Variants in XPNPEP2 observed in about 807,000 individuals in gnomAD.
The protein encoded by XPNPEP2 is X-prolyl aminopeptidase 2, also known as xaa-Pro aminopeptidase 2.
XPNPEP2 carries 64 observed loss-of-function variants against 59.8 expected under a neutral mutation model. The observed-to-expected ratio is 1.07, with a 90% CI of 0.87 to 1.32. XPNPEP2 has a LOEUF of 1.32. Ranked by LOEUF, XPNPEP2 falls within the 40% of genes most tolerant of loss-of-function variation. XPNPEP2 has a pLI of 0.00. For missense variants in XPNPEP2, 575 were observed against 546.8 expected, an observed-to-expected ratio of 1.05 and a Z score of -0.51; for synonymous variants, 235 against 210.0, an observed-to-expected ratio of 1.12 and a Z score of -1.03.
At chrX:129,757,443 G>T (rs182440380) in intron 14 of XPNPEP2, among the ~76,000 whole-genome samples, 8 of 109,855 alleles carry the variant, frequency 7.3e-5, no homozygotes, top group African/African-American at 2.7e-4. Context: ...GATGAGAGAA[G>T]CAACCCTTTT....
chrX:129,745,175 G>A (rs1926270018), intron 3 of XPNPEP2, 28 bp from the exon 4 acceptor site: 1 of 1,210,387 alleles, frequency 8.3e-7, no homozygotes. Flanking sequence ...CACGAAAAAG[G>A]CTAATGATGG....
rs1320431254 is a variant in XPNPEP2, at chrX:129,750,536, G to A, written c.706G>A (p.Ala236Thr). The A allele has an allele frequency of 1.5e-5, 18 of 1,193,182 alleles. No homozygotes were observed. The highest frequency in any genetic ancestry group is 1.9e-5 in the Non-Finnish European group (17 of 886,500). Residue 236 changes from alanine (A) to threonine (T), a missense_variant, in exon 8 of 21, where the codon GCC (alanine) becomes ACC (threonine). Coordinates refer to ENST00000371106, the MANE Select transcript of XPNPEP2 (RefSeq NM_003399.6). Reference sequence around the variant, plus strand: ...GCAGAAGCATCAAAAGGTCCCGACTGCCGTCCTTCTGTCGGCGCTTGAGGA... The same window carrying A: ...GCAGAAGCATCAAAAGGTCCCGACTACCGTCCTTCTGTCGGCGCTTGAGGA... ...QMQKHQKVPT[A>T]VLLSALEETA...
At chrX:129,740,943 A>G (rs1427002009) in intron 1 of XPNPEP2, among the ~76,000 whole-genome samples, 2 of 107,729 alleles carry the variant, frequency 1.9e-5, no homozygotes, top group Non-Finnish European at 3.9e-5. Flanking sequence ...CTGTCTCAAA[A>G]AAAAAAAAAA....
chrX:129,765,568 T>A (rs1307036520), intron 19 of XPNPEP2, among the ~76,000 whole-genome samples: 3 of 110,261 alleles, frequency 2.7e-5, no homozygotes, highest in African/African-American at 9.9e-5. Flanking sequence ...ATTTTTCCAA[T>A]CTGATAGGTG....
rs777481000 is a variant in XPNPEP2, at chrX:129,747,686, G to A, written c.570G>A (p.Leu190=). The change falls in exon 7 of 21, where the codon CTG becomes CTA. Residue 190 remains leucine, a synonymous_variant. Coordinates refer to ENST00000371106, the MANE Select transcript of XPNPEP2 (RefSeq NM_003399.6). Reference sequence around the variant, plus strand: ...CCATCACAACCAATCTTGTGGACCTGGTATGGGGATCAGAGAGGCCACCGG... The same window carrying A: ...CCATCACAACCAATCTTGTGGACCTAGTATGGGGATCAGAGAGGCCACCGG... The part of the protein sequence containing the change: ...LVSITTNLVD[L]VWGSERPPVP... 1 of 1,210,626 alleles carries A rather than the reference G, an allele frequency of 8.3e-7. No homozygotes were observed. The highest frequency in any genetic ancestry group is 3.0e-5 in the East Asian group (1 of 33,816).
chrX:129,767,496 C>T lies in XPNPEP2; in HGVS notation c.1741-107C>T, dbSNP rs1410487759. The T allele has an allele frequency of 1.3e-5, 11 of 815,380 alleles. No individual in the cohort carries two copies. In the Admixed American group the frequency reaches 2.6e-4, roughly 19 times the overall value. 67.2% of individuals were successfully genotyped at this position (815,380 alleles called of 1,213,427 possible). ...GCCAGGGTGTCCAGGGTTGATGAGGCCCAGCTCCTTGTGTCCTCCGGGTGG... is the reference window on the plus strand; with the variant it reads ...GCCAGGGTGTCCAGGGTTGATGAGGTCCAGCTCCTTGTGTCCTCCGGGTGG... On this transcript the variant is annotated intron_variant, in intron 19 of 20. Transcript: ENST00000371106.
intron 14 of XPNPEP2, 68 bp downstream of exon 14, chrX:129,756,623 G>A: frequency 1.8e-6 from 2 of 1,089,766 alleles, no homozygotes; most frequent in Non-Finnish European, 2.5e-6. Flanking sequence ...CCAAGAGTCA[G>A]CCAAAGCTTT....
intron 18 of XPNPEP2, 30 bp from the exon 19 acceptor site, chrX:129,762,664 T>C (rs1329941422): frequency 8.4e-7 from 1 of 1,196,552 alleles, no homozygotes. Context: ...TCTCCCAGCT[T>C]AATGCCACCA....
At chrX:129,761,369 C>T (rs1926654439) in intron 17 of XPNPEP2, 93 bp downstream of exon 17, 4 of 806,888 alleles carry the variant, frequency 5.0e-6, no homozygotes. Context: ...ATGACAAAGA[C>T]CCACAAAGAT....
In XPNPEP2 at chrX:129,745,180, T is replaced by C. The variant is rs752449245; in HGVS notation, c.235-23T>C. 20 of 1,208,944 alleles carry C rather than the reference T, an allele frequency of 1.7e-5. No individual in the cohort carries two copies. The South Asian group carries it at 3.3e-4, about 20-fold the overall frequency. Reference sequence around the variant, plus strand: ...GATCTGATACCACGAAAAAGGCTAATGATGGTGTTGTTGATTTCCTAGAAC... The same window carrying C: ...GATCTGATACCACGAAAAAGGCTAACGATGGTGTTGTTGATTTCCTAGAAC... On this transcript the variant is annotated intron_variant, in intron 3 of 20. Coordinates refer to ENST00000371106, the MANE Select transcript of XPNPEP2 (RefSeq NM_003399.6).
chrX:129,764,057 T>G (rs1020631846), intron 19 of XPNPEP2, among the ~76,000 whole-genome samples: 3 of 108,965 alleles, frequency 2.8e-5, no homozygotes, highest in African/African-American at 1.0e-4. Context: ...AAAGAGTCTT[T>G]CTGTGCAAGA....
At chrX:129,755,818 C>T (rs1257468512) in intron 13 of XPNPEP2, among the ~76,000 whole-genome samples, 1 of 112,766 alleles carries the variant, frequency 8.9e-6, no homozygotes, top group East Asian at 2.8e-4. Flanking sequence ...GGCATGGGCA[C>T]AGCAGGGAGA....
rs769111689 is a variant in XPNPEP2, at chrX:129,755,408, G to GGGCATCCTGTTGT, written c.1295+39_1295+51dup. On this transcript the variant is annotated intron_variant, in intron 13 of 20. Transcript: ENST00000371106. ...AAAAGAATTTTCTAGGGCCCTGTTG[G>GGGCATCCTGTTGT]GGCATCCTGTTGTGTGTGTAGAGGA... The GGGCATCCTGTTGT allele has an allele frequency of 3.4e-6, 4 of 1,161,885 alleles. No individual in the cohort carries two copies. In the Admixed American group the frequency reaches 8.7e-5, roughly 25 times the overall value.
intron 8 of XPNPEP2, 62 bp downstream of exon 8, chrX:129,750,631 G>T: frequency 1.0e-6 from 1 of 965,782 alleles, no homozygotes. Context: ...CAAGCCTCCC[G>T]GGCCCTGCAG....
At position 129,745,190 on chromosome X, in the gene XPNPEP2, G is replaced by A; in HGVS notation, c.235-13G>A. ...CACGAAAAAGGCTAATGATGGTGTT[G>A]TTGATTTCCTAGAACGAGTACATCG... On this transcript the variant is annotated splice_polypyrimidine_tract_variant and intron_variant, in intron 3 of 20. Transcript: ENST00000371106. 2 of 1,211,463 alleles carry A rather than the reference G, an allele frequency of 1.7e-6. No homozygotes were observed. Among genetic ancestry groups the A allele is most frequent in the East Asian group, 5.9e-5 (2 of 33,844 alleles).
intron 4 of XPNPEP2, among the ~76,000 whole-genome samples, chrX:129,745,920 C>G (rs1396363232): frequency 1.8e-5 from 2 of 111,243 alleles, no homozygotes; most frequent in African/African-American, 6.6e-5. Context: ...CCCTATCAGC[C>G]ACCGAGTCTT....
chrX:129,752,602 A>G (rs1412145684), intron 10 of XPNPEP2, among the ~76,000 whole-genome samples: 1 of 112,355 alleles, frequency 8.9e-6, no homozygotes, highest in Non-Finnish European at 1.9e-5. Flanking sequence ...GAGTCAGCCA[A>G]ACTTGAAAAT....
intron 18 of XPNPEP2, 118 bp downstream of exon 18, chrX:129,762,183 G>A: frequency 2.6e-6 from 2 of 765,127 alleles, no homozygotes; most frequent in Non-Finnish European, 3.9e-6. Flanking sequence ...TACAGCTCGG[G>A]ACTCACCTCC....
In XPNPEP2 at chrX:129,756,588, T is replaced by C. The variant is rs1390473726; in HGVS notation, c.1367+33T>C. On this transcript the variant is annotated intron_variant, in intron 14 of 20. Coordinates refer to ENST00000371106, the MANE Select transcript of XPNPEP2 (RefSeq NM_003399.6). ...CCCCGACCTCACCCTAGCCTGGATG[T>C]CTCTGCTCAGACCTCCTGAGCCTGC... 3 of 1,188,065 alleles carry C rather than the reference T, an allele frequency of 2.5e-6. No homozygotes were observed. The East Asian group carries it at 8.9e-5, about 35-fold the overall frequency.
Sources: allele counts gnomAD v4.1 joint callset (sites outside exome capture counted in the v4.1 genomes callset), GRCh38; gene constraint gnomAD v4.1.1; transcripts MANE v1.5; gene names NCBI Gene and HGNC (gene_info 2026-07-23, HGNC 2026-07-21).